Variants in DIAPH2 observed in about 807,000 individuals in gnomAD.
DIAPH2 encodes the protein protein diaphanous homolog 2.
In DIAPH2, 35 loss-of-function variants were observed where a neutral mutation model predicts 92.7. The ratio of observed to expected loss-of-function variants is 0.38; its 90% CI spans 0.29 to 0.50. DIAPH2 has a LOEUF of 0.50. Among genes scored for constraint, DIAPH2 ranks in the 20% least tolerant of loss-of-function variants. The pLI is 0.94. For synonymous variants in DIAPH2, 301 were observed against 280.4 expected, an observed-to-expected ratio of 1.07 and a Z score of -0.73; for missense variants, 701 against 819.5, an observed-to-expected ratio of 0.86 and a Z score of 1.77.
chrX:97,479,900 A>G (rs2070638912), intron 26 of DIAPH2, among the ~76,000 whole-genome samples: 1 of 111,898 alleles, frequency 8.9e-6, no homozygotes, highest in Non-Finnish European at 1.9e-5. Flanking sequence ...GTTGAAAGTC[A>G]GCTTATTAGG....
In DIAPH2 at chrX:96,957,862, G is replaced by C; in HGVS notation, c.1649G>C (p.Gly550Ala). ...CTCTCAAGTTCATCAGGAATTCCAG[G>C]TCCTCCTGCAGCACCTCCATTGCCA... Reference protein sequence around the residue: ...QVLSSSSGIPGPPAAPPLPGV... With the variant: ...QVLSSSSGIPAPPAAPPLPGV... Residue 550 changes from glycine to alanine, a missense_variant, in exon 16 of 27, where the codon GGT becomes GCT. Physicochemically the swap from Gly to Ala is moderately conservative, Grantham distance 60. This residue lies in a region of DIAPH2 where 536 missense variants were observed against 599.3 expected (regional missense o/e 0.89). Transcript: ENST00000324765. 8.3e-7 allele frequency: 1 copy of C among 1,209,896 alleles called. No homozygotes were observed. The highest frequency in any genetic ancestry group is 1.1e-6 in the Non-Finnish European group (1 of 894,813).
At chrX:97,034,022 T>C (rs1448026843) in intron 17 of DIAPH2, among the ~76,000 whole-genome samples, 1 of 111,351 alleles carries the variant, frequency 9.0e-6, no homozygotes, top group Non-Finnish European at 1.9e-5. Context: ...ACAGAGATTT[T>C]GAATTTAAAA....
chrX:97,270,920 C>A (rs1417276968), intron 23 of DIAPH2, among the ~76,000 whole-genome samples: 1 of 110,399 alleles, frequency 9.1e-6, no homozygotes, highest in Admixed American at 9.8e-5. Context: ...TTATGGGGTG[C>A]CTATTGTGTG....
intron 17 of DIAPH2, among the ~76,000 whole-genome samples, chrX:97,068,068 G>A (rs1015170458): frequency 4.7e-4 from 52 of 111,657 alleles, no homozygotes; most frequent in African/African-American, 1.2e-3. Context: ...ATTCTTCTTC[G>A]TATCTTCATC....
chrX:97,384,338 G>A (rs921773775), intron 25 of DIAPH2, among the ~76,000 whole-genome samples: 3 of 111,663 alleles, frequency 2.7e-5, no homozygotes, highest in Non-Finnish European at 3.8e-5. Flanking sequence ...AAAAGTGGGT[G>A]AGATGAAATG....
At chrX:96,888,587 A>ATATCTATATG (rs2065283651) in intron 5 of DIAPH2, among the ~76,000 whole-genome samples, 1 of 99,526 alleles carries the variant, frequency 1.0e-5, no homozygotes, top group South Asian at 4.3e-4. Context: ...ATATCTATAT[A>ATATCTATATG]TATACAGATA....
At chrX:97,174,759 GTT>G (rs2067479800) in intron 22 of DIAPH2, among the ~76,000 whole-genome samples, 1 of 111,724 alleles carries the variant, frequency 9.0e-6, no homozygotes, top group Admixed American at 9.6e-5. Flanking sequence ...CCATTGTGGT[GTT>G]TTAATTATTT....
chrX:96,773,550 T>A (rs999902082), intron 4 of DIAPH2, among the ~76,000 whole-genome samples: 6 of 111,406 alleles, frequency 5.4e-5, no homozygotes, highest in African/African-American at 2.0e-4. Context: ...ACTTTTAATG[T>A]CAAGAATGGG....
chrX:96,895,516 A>G (rs1008508326), intron 5 of DIAPH2, among the ~76,000 whole-genome samples: 2 of 112,013 alleles, frequency 1.8e-5, no homozygotes, highest in African/African-American at 6.5e-5. Context: ...CCACTATTTA[A>G]AATAATAATC....
At chrX:96,881,175 A>T (rs2065210524) in intron 4 of DIAPH2, among the ~76,000 whole-genome samples, 1 of 111,518 alleles carries the variant, frequency 9.0e-6, no homozygotes. Context: ...ATTAAATTTT[A>T]TTTGCTGGAT....
At chrX:97,058,748 C>G (rs1300022298) in intron 17 of DIAPH2, among the ~76,000 whole-genome samples, 1 of 110,885 alleles carries the variant, frequency 9.0e-6, no homozygotes, top group African/African-American at 3.3e-5. Context: ...TTTTTCCACT[C>G]TAAAATTTCA....
At chrX:97,233,449 A>G (rs2068023987) in intron 22 of DIAPH2, among the ~76,000 whole-genome samples, 2 of 112,188 alleles carry the variant, frequency 1.8e-5, no homozygotes, top group Non-Finnish European at 3.8e-5. Flanking sequence ...GAGTATGTGC[A>G]TGTGTGTGTG....
chrX:96,902,404 G>A (rs768138971), intron 5 of DIAPH2, among the ~76,000 whole-genome samples: 2 of 111,491 alleles, frequency 1.8e-5, no homozygotes, highest in African/African-American at 6.5e-5. Flanking sequence ...CACTCACTAT[G>A]TTGCTGTCTA....
intron 5 of DIAPH2, among the ~76,000 whole-genome samples, chrX:96,888,605 C>CTA (rs1192086261): frequency 2.8e-5 from 2 of 71,501 alleles, no homozygotes; most frequent in Non-Finnish European, 5.0e-5. Flanking sequence ...ATATATATAT[C>CTA]TATATATATC....
intron 22 of DIAPH2, among the ~76,000 whole-genome samples, chrX:97,200,618 G>A (rs973076449): frequency 1.8e-5 from 2 of 111,939 alleles, no homozygotes; most frequent in African/African-American, 6.5e-5. Flanking sequence ...TCCTACTCAG[G>A]GGCGGGGCCT....
At chrX:97,316,875 G>A (rs1045112135) in intron 23 of DIAPH2, among the ~76,000 whole-genome samples, 5 of 111,809 alleles carry the variant, frequency 4.5e-5, no homozygotes, top group African/African-American at 1.6e-4. Context: ...GGGGTAAATG[G>A]GTTTATGTGT....
chrX:96,969,969 A>G (rs1165056266), intron 17 of DIAPH2, among the ~76,000 whole-genome samples: 1 of 111,707 alleles, frequency 9.0e-6, no homozygotes, highest in African/African-American at 3.3e-5. Context: ...TTCCATGTCT[A>G]TGGAGATGAT....
chrX:96,802,810 G>A (rs371741431), intron 4 of DIAPH2, among the ~76,000 whole-genome samples: 7 of 111,432 alleles, frequency 6.3e-5, no homozygotes, highest in African/African-American at 9.8e-5. Context: ...GAAGCCAGTC[G>A]GAGTCCCAAA....
At chrX:97,263,927 T>A (rs754972695) in intron 23 of DIAPH2, among the ~76,000 whole-genome samples, 1 of 106,485 alleles carries the variant, frequency 9.4e-6, no homozygotes, top group African/African-American at 3.4e-5. Context: ...TTTATTTATT[T>A]ATTTATTTAT....
Sources: gnomAD v4.1 joint callset for allele counts (sites outside exome capture counted in the v4.1 genomes callset) on GRCh38, gnomAD v4.1.1 for gene constraint, gnomAD v4.1.1 regional missense constraint, MANE v1.5 for transcripts, NCBI Gene and HGNC (gene_info 2026-07-23, HGNC 2026-07-21) for gene names.